Variants in PREPL observed in about 807,000 individuals in gnomAD.
The protein encoded by PREPL is prolyl endopeptidase like, also known as prolyl endopeptidase-like.
A neutral mutation model predicts 70.6 loss-of-function variants in PREPL; 77 were observed. The ratio of observed to expected loss-of-function variants is 1.09; its 90% CI spans 0.91 to 1.32. The LOEUF is 1.32. Ranked by LOEUF, PREPL falls within the 40% of genes most tolerant of loss-of-function variation. The pLI, the probability that PREPL is intolerant of heterozygous loss-of-function variation, is 0.00. For missense variants in PREPL, 1,002 were observed against 778.2 expected, an observed-to-expected ratio of 1.29 and a Z score of -3.42; for synonymous variants, 315 against 264.8, an observed-to-expected ratio of 1.19 and a Z score of -1.84.
chr2:44,350,999 T>C (rs1676362262), intron 1 of PREPL, among the ~76,000 whole-genome samples: 1 of 151,748 alleles, frequency 6.6e-6, no homozygotes, highest in African/African-American at 2.4e-5. Flanking sequence ...TTCGGCTCCC[T>C]GCAACCTCTG....
intron 1 of PREPL, among the ~76,000 whole-genome samples, chr2:44,350,958 T>A (rs1426115388): frequency 8.9e-6 from 1 of 111,740 alleles, no homozygotes; most frequent in Non-Finnish European, 2.2e-5. Flanking sequence ...CCTTCTCAAC[T>A]CCCTGGCTTT....
chr2:44,361,352 AAG>A (rs1677786941), intron 1 of PREPL, 26 bp downstream of exon 1: 1 of 152,346 alleles, frequency 6.6e-6, no homozygotes, highest in African/African-American at 2.4e-5. Context: ...GGGAGAAGGA[AAG>A]AGACCAGCAC....
rs921034453 is a variant in PREPL at position 44,319,485 on chromosome 2, A to G, written c.*1871T>C. The G allele has an allele frequency of 6.6e-6, 1 of 151,722 alleles. No homozygotes were observed. Among genetic ancestry groups the G allele is most frequent in the Non-Finnish European group, 1.5e-5 (1 of 67,862 alleles). 9.4% of individuals were successfully genotyped at this position (151,722 alleles called of 1,614,324 possible). A position where few individuals can be genotyped will look rare whatever the true frequency, so the allele number is the denominator to read the frequency against. ...TACAACCGTTCAACAGAATATTGTC[A>G]TTAAAAACATTTATGGAGGCTATAT... On this transcript the variant is annotated 3_prime_UTR_variant, in exon 14 of 14. Coordinates refer to ENST00000409411, the MANE Select transcript of PREPL (RefSeq NM_001171613.2).
chr2:44,351,861 C>T (rs554867515), intron 1 of PREPL, among the ~76,000 whole-genome samples: 5 of 152,190 alleles, frequency 3.3e-5, no homozygotes, highest in Non-Finnish European at 5.9e-5. Flanking sequence ...TGTTACTCCA[C>T]TCAAAACCCT....
intron 1 of PREPL, among the ~76,000 whole-genome samples, chr2:44,360,871 A>T (rs1025532636): frequency 6.6e-6 from 1 of 152,158 alleles, no homozygotes; most frequent in African/African-American, 2.4e-5. Flanking sequence ...TCTTCCACAA[A>T]ATGCCCCCTG....
Position 44,330,855 on chromosome 2 carries a change from T to C in PREPL, c.1086+1604A>G, listed in dbSNP as rs1043418096. On this transcript the variant is annotated intron_variant, in intron 8 of 13. Transcript: ENST00000409411. The stretch of plus-strand genomic sequence containing the variant: ...GTATACCTGGAATATGGATATTTGT[T>C]ATTTCCTTTTCTGTGTCTCATCTCT... Among the ~76,000 whole-genome samples, 7 of 152,196 alleles carry C rather than the reference T, an allele frequency of 4.6e-5. No individual in the cohort carries two copies. The South Asian group carries it at 6.2e-4, about 13-fold the overall frequency.
At chr2:44,322,265 A>G (rs1673048191) in intron 12 of PREPL, among the ~76,000 whole-genome samples, 1 of 152,114 alleles carries the variant, frequency 6.6e-6, no homozygotes. Flanking sequence ...CTGATATGGC[A>G]TGTAGTTTCA....
In PREPL at chr2:44,326,724, C is replaced by T. The variant is rs140525819; in HGVS notation, c.1467G>A (p.Ala489=). ...LCNSNPELVR[A]VTLEAPFLDV... is the part of the protein sequence containing the mutation. ...AGAGCGTACTCACCTCCAAAGTCAC[C>T]GCTCTCACCAGCTCTGGATTAGAAT... Residue 489 remains alanine, a synonymous_variant, in exon 10 of 14, where the codon GCG becomes GCA. Coordinates refer to ENST00000409411, the MANE Select transcript of PREPL (RefSeq NM_001171613.2). 55 of 1,613,442 alleles carry T rather than the reference C, an allele frequency of 3.4e-5. No individual in the cohort carries two copies. In the African/African-American group the frequency reaches 4.1e-4, roughly 12 times the overall value.
intron 7 of PREPL, among the ~76,000 whole-genome samples, chr2:44,333,063 G>C (rs1054445276): frequency 2.0e-5 from 3 of 152,146 alleles, no homozygotes; most frequent in Non-Finnish European, 4.4e-5. Flanking sequence ...TCACATGCGT[G>C]TGTTTTTCAT....
At chr2:44,342,599 T>TAA in intron 4 of PREPL, 47 bp from the exon 5 acceptor site, 1 of 1,162,308 alleles carries the variant, frequency 8.6e-7, no homozygotes, top group Non-Finnish European at 1.1e-6. Context: ...CTACACTCCA[T>TAA]TAAAAAAAAA....
chr2:44,321,542 G>C, intron 13 of PREPL, 97 bp from the exon 14 acceptor site: 1 of 1,523,006 alleles, frequency 6.6e-7, no homozygotes, highest in South Asian at 1.2e-5. Flanking sequence ...ACCTAACCGT[G>C]AAGTCAGCAA....
At position 44,338,367 on chromosome 2, in the gene PREPL, GAAT is replaced by G; in HGVS notation, c.869_871del (p.Asp290_Ser291delinsAla). The G allele has an allele frequency of 6.2e-7, 1 of 1,611,672 alleles. No individual in the cohort carries two copies. The highest frequency in any genetic ancestry group is 1.7e-4 in the Middle Eastern group (1 of 6,032). Reference sequence around the variant, plus strand: ...TAAACATACCTTTAGAGACCGAACTGAATCATCAGCCAGACCAATCACATTAAC... The same window carrying G: ...TAAACATACCTTTAGAGACCGAACTGCATCAGCCAGACCAATCACATTAAC... On this transcript the variant is annotated inframe_deletion, in exon 7 of 14. Coordinates refer to ENST00000409411, the MANE Select transcript of PREPL (RefSeq NM_001171613.2).
At chr2:44,335,508 A>C (rs767291003) in intron 7 of PREPL, among the ~76,000 whole-genome samples, 7 of 152,222 alleles carry the variant, frequency 4.6e-5, no homozygotes, top group Non-Finnish European at 8.8e-5. Flanking sequence ...CATAGGCAGA[A>C]GATTGAAAAC....
In PREPL at chr2:44,320,235, T is replaced by A; in HGVS notation, c.*1121A>T. ...TCAGCCCAGATCGGCTTTGAAGTTA[T>A]ATCAAGATTTAAGTCTACTTCATGC... On this transcript the variant is annotated 3_prime_UTR_variant, in exon 14 of 14. Transcript: ENST00000409411. 6.2e-7 allele frequency: 1 copy of A among 1,614,048 alleles called. No homozygotes were observed. The highest frequency in any genetic ancestry group is 8.5e-7 in the Non-Finnish European group (1 of 1,179,946).
At chr2:44,348,278 C>T (rs965390856) in intron 1 of PREPL, among the ~76,000 whole-genome samples, 1 of 152,126 alleles carries the variant, frequency 6.6e-6, no homozygotes, top group Non-Finnish European at 1.5e-5. Context: ...AGCATTTCTA[C>T]AAAATCTACA....
intron 1 of PREPL, among the ~76,000 whole-genome samples, chr2:44,358,602 G>A (rs1279125118): frequency 1.3e-5 from 2 of 152,196 alleles, no homozygotes; most frequent in East Asian, 3.9e-4. Flanking sequence ...ACACTTTTGA[G>A]AGGAAAGGGG....
At position 44,338,489 on chromosome 2, in the gene PREPL, T is replaced by C. The variant is rs146874807; in HGVS notation, c.750A>G (p.Leu250=). Residue 250 remains leucine (L), a synonymous_variant, in exon 7 of 14, where the codon TTA becomes TTG. Transcript: ENST00000409411. ...TTGTATTTCTCTTCATTGTAAAAAA[T>C]AAATCCCAATTCATAATTGCAGGGG... ...ADTPAIMNWD[L]FFTMKRNTKV... is the part of the protein sequence containing the mutation. 91 of 1,612,348 alleles carry C rather than the reference T, an allele frequency of 5.6e-5. No individual in the cohort carries two copies. The African/African-American group carries it at 7.0e-4, about 12-fold the overall frequency.
chr2:44,322,901 C>A lies in PREPL; in HGVS notation c.1630-47G>T, dbSNP rs199645862. 7 of 1,597,368 alleles carry A rather than the reference C, an allele frequency of 4.4e-6. No homozygotes were observed. The African/African-American group carries it at 8.1e-5, about 18-fold the overall frequency. On this transcript the variant is annotated intron_variant, in intron 11 of 13. Coordinates refer to ENST00000409411, the MANE Select transcript of PREPL (RefSeq NM_001171613.2). Reference sequence around the variant, plus strand: ...AAGAGTTTACATTATTTCTTATGGTCCCTTGCCACTATAGAGACTATGAAA... The same window carrying A: ...AAGAGTTTACATTATTTCTTATGGTACCTTGCCACTATAGAGACTATGAAA...
chr2:44,328,478 A>T, intron 9 of PREPL, among the ~76,000 whole-genome samples: 1 of 150,816 alleles, frequency 6.6e-6, no homozygotes, highest in Admixed American at 6.6e-5. Flanking sequence ...CTGATGCTAA[A>T]TGCCGCTACA....
Sources: allele counts gnomAD v4.1 joint callset (sites outside exome capture counted in the v4.1 genomes callset), GRCh38; gene constraint gnomAD v4.1.1; transcripts MANE v1.5; gene names NCBI Gene and HGNC (gene_info 2026-07-23, HGNC 2026-07-21).